The following CELF2 variants were observed in gnomAD, a reference collection of about 807,000 sequenced individuals.
CELF2 encodes the protein CUGBP Elav-like family member 2.
Under a neutral mutation model 62.6 loss-of-function variants are expected in CELF2, and 8 were observed. The observed-to-expected ratio is 0.13, with a 90% CI of 0.07 to 0.23. The LOEUF (loss-of-function observed/expected upper bound fraction) is 0.23. Among genes scored for constraint, CELF2 ranks in the 10% least tolerant of loss-of-function variants. The pLI, the probability that CELF2 is intolerant of heterozygous loss-of-function variation, is 1.00. For missense variants in CELF2, 333 were observed against 671.0 expected, an observed-to-expected ratio of 0.50 and a Z score of 5.56; for synonymous variants, 258 against 250.0, an observed-to-expected ratio of 1.03 and a Z score of -0.30.
chr10:11,095,924 T>A (rs2049737497), intron 1 of CELF2, among the ~76,000 whole-genome samples: 2 of 152,058 alleles, frequency 1.3e-5, no homozygotes, highest in South Asian at 2.1e-4. Context: ...AAAAAAAAAA[T>A]ATCCTTAGAA....
chr10:10,759,842 T>C, the CELF2 span, among the ~76,000 whole-genome samples: 3 of 152,072 alleles, frequency 2.0e-5, no homozygotes, highest in South Asian at 6.2e-4. Context: ...ACAAATTATA[T>C]TCTTGAAAAG....
the CELF2 span, among the ~76,000 whole-genome samples, chr10:10,720,736 G>T: frequency 1.3e-5 from 2 of 152,300 alleles, no homozygotes; most frequent in East Asian, 3.9e-4. Flanking sequence ...CGTTAATCAC[G>T]AGTCCAGTCT....
the CELF2 span, among the ~76,000 whole-genome samples, chr10:10,498,052 T>C: frequency 6.6e-6 from 1 of 152,100 alleles, no homozygotes; most frequent in African/African-American, 2.4e-5. Flanking sequence ...TCTAGATCTA[T>C]TTTGTGGAAG....
intron 1 of CELF2, among the ~76,000 whole-genome samples, chr10:10,826,620 C>T (rs1296008527): frequency 2.6e-5 from 4 of 152,152 alleles, no homozygotes; most frequent in African/African-American, 7.2e-5. Flanking sequence ...CATCTCTGTG[C>T]TTTACTAAAT....
chr10:10,830,273 T>A (rs1224139773), intron 1 of CELF2, among the ~76,000 whole-genome samples: 3 of 123,554 alleles, frequency 2.4e-5, no homozygotes, highest in African/African-American at 1.0e-4. Flanking sequence ...TGCCATGGAG[T>A]TCCTTTAAAA....
At chr10:11,271,950 C>T (rs999881074) in intron 7 of CELF2, among the ~76,000 whole-genome samples, 23 of 152,174 alleles carry the variant, frequency 1.5e-4, no homozygotes, top group African/African-American at 5.3e-4. Context: ...CCAGAATCAA[C>T]CAGCCGCTAG....
chr10:10,876,654 C>G (rs1195724215), intron 1 of CELF2, among the ~76,000 whole-genome samples: 2 of 152,192 alleles, frequency 1.3e-5, no homozygotes, highest in Non-Finnish European at 2.9e-5. Flanking sequence ...TGCCTCTTTA[C>G]TGACTCCTAC....
chr10:11,129,949 T>C (rs1047182248), intron 1 of CELF2, among the ~76,000 whole-genome samples: 1 of 152,254 alleles, frequency 6.6e-6, no homozygotes, highest in Non-Finnish European at 1.5e-5. Flanking sequence ...TCTCTAGTTC[T>C]TTTAATTGTG....
At chr10:10,767,344 A>C in the CELF2 span, among the ~76,000 whole-genome samples, 2 of 152,196 alleles carry the variant, frequency 1.3e-5, no homozygotes, top group Non-Finnish European at 2.9e-5. Context: ...TATGTCTTCC[A>C]GATTGACTGA....
In CELF2 at chr10:10,957,178, G is replaced by A. The variant is rs954035308; in HGVS notation, c.89+37179G>A. ...CCTCTCTGGAGTTCCTGACATTTCC[G>A]CAAATAAGTCTTAGTCTCTTTACCA... On this transcript the variant is annotated intron_variant, in intron 2 of 13. Transcript: ENST00000636488. This position sits in a 1 kb window ranked among gnomAD's most constrained non-coding sequence, Gnocchi z 4.1. 1.7e-4 allele frequency among the ~76,000 whole-genome samples: 26 copies of A among 152,112 alleles called. No homozygotes were observed. The highest frequency in any genetic ancestry group is 2.9e-5 in the Non-Finnish European group (2 of 68,028).
chr10:10,701,396 C>T, the CELF2 span, among the ~76,000 whole-genome samples: 1 of 152,242 alleles, frequency 6.6e-6, no homozygotes, highest in Non-Finnish European at 1.5e-5. Context: ...TCTTTGTTCA[C>T]TTGTCAGAAA....
At chr10:11,288,342 G>C in intron 8 of CELF2, 76 bp from the exon 9 acceptor site, 3 of 1,565,552 alleles carry the variant, frequency 1.9e-6, no homozygotes, top group Non-Finnish European at 1.7e-6. Flanking sequence ...CTGACGATTT[G>C]ATGAGCCTGC....
chr10:11,003,049 A>T (rs112703766), upstream of CELF2, among the ~76,000 whole-genome samples: 858 of 152,344 alleles, frequency 5.6e-3, 1 homozygote, highest in Admixed American at 0.012. This position sits in a 1 kb window ranked among gnomAD's most constrained non-coding sequence, Gnocchi z 4.4. Flanking sequence ...CATGTTATAA[A>T]CTACATCCTT....
chr10:10,575,859 G>GA, the CELF2 span, among the ~76,000 whole-genome samples: 2 of 152,064 alleles, frequency 1.3e-5, no homozygotes, highest in Non-Finnish European at 1.5e-5. Flanking sequence ...TTCAACAACT[G>GA]AAAAAAACAT....
the CELF2 span, among the ~76,000 whole-genome samples, chr10:10,562,060 G>C: frequency 6.6e-6 from 1 of 152,180 alleles, no homozygotes; most frequent in Non-Finnish European, 1.5e-5. Flanking sequence ...CCCTACCAAG[G>C]TGACCAATCA....
chr10:10,479,980 C>G, the CELF2 span, among the ~76,000 whole-genome samples: 1 of 152,180 alleles, frequency 6.6e-6, no homozygotes, highest in Non-Finnish European at 1.5e-5. Context: ...CATTTCTCAG[C>G]CTTTTGGCTA....
At chr10:10,805,729 G>A (rs936065204) in intron 1 of CELF2, among the ~76,000 whole-genome samples, 7 of 152,160 alleles carry the variant, frequency 4.6e-5, no homozygotes, top group South Asian at 4.1e-4. Flanking sequence ...AGAGGAGCCC[G>A]GCTGGAGTTT....
chr10:10,638,887 C>A, the CELF2 span, among the ~76,000 whole-genome samples: 1 of 152,184 alleles, frequency 6.6e-6, no homozygotes, highest in African/African-American at 2.4e-5. Context: ...CTCACCCTGA[C>A]TGGCAAAGTA....
intron 1 of CELF2, among the ~76,000 whole-genome samples, chr10:11,111,181 C>A (rs2055064544): frequency 6.6e-6 from 1 of 152,142 alleles, no homozygotes; most frequent in Non-Finnish European, 1.5e-5. Flanking sequence ...ACTTTCTGGG[C>A]CTTCTAATGT....
Sources: gnomAD v4.1 joint callset for allele counts (sites outside exome capture counted in the v4.1 genomes callset) on GRCh38, gnomAD v4.1.1 for gene constraint, Gnocchi (gnomAD v3.1) non-coding constraint, MANE v1.5 for transcripts, NCBI Gene and HGNC (gene_info 2026-07-23, HGNC 2026-07-21) for gene names.